RRM1: variants seen among roughly 807,000 people sequenced by gnomAD.
The protein encoded by RRM1 is ribonucleoside-diphosphate reductase large subunit.
A neutral mutation model predicts 101.5 loss-of-function variants in RRM1; 19 were observed. That is an observed-to-expected ratio of 0.19 (90% CI 0.13 to 0.27). The LOEUF (loss-of-function observed/expected upper bound fraction) is 0.27. RRM1 is among the 10% of genes least tolerant of loss of function. The probability of loss-of-function intolerance (pLI) is 1.00; values close to 1 mark genes in which losing one functional copy is unlikely to be tolerated. For synonymous variants in RRM1, 298 were observed against 323.4 expected (o/e 0.92, Z 0.84); for missense variants, 500 against 962.9 (o/e 0.52, Z 6.36).
intron 8 of RRM1, 64 bp from the exon 9 acceptor site, chr11:4,119,781 G>A (rs2133306404): frequency 1.1e-6 from 1 of 929,160 alleles, no homozygotes; most frequent in East Asian, 2.4e-5. Flanking sequence ...TAAAAGAATG[G>A]GGCCATTTTT....
At chr11:4,137,249 A>G (rs995435307) in intron 18 of RRM1, 82 of 254,298 alleles carry the variant, frequency 3.2e-4, no homozygotes, top group African/African-American at 1.8e-3. Flanking sequence ...CAAAGCCGCC[A>G]TTGTCATCTT....
chr11:4,128,749 G>C (rs1013478501), intron 14 of RRM1, among the ~76,000 whole-genome samples: 2 of 152,142 alleles, frequency 1.3e-5, no homozygotes, highest in Non-Finnish European at 2.9e-5. Context: ...CAGATCAAGG[G>C]ACAGATGAAG....
At chr11:4,114,023 G>A (rs1365880756) in intron 7 of RRM1, among the ~76,000 whole-genome samples, 1 of 151,958 alleles carries the variant, frequency 6.6e-6, no homozygotes, top group Non-Finnish European at 1.5e-5. Context: ...TAGTCCCAGC[G>A]ACTCAGGAGG....
chr11:4,131,254 C>T (rs1378122912), intron 15 of RRM1, among the ~76,000 whole-genome samples: 1 of 152,212 alleles, frequency 6.6e-6, no homozygotes, highest in Non-Finnish European at 1.5e-5. Context: ...CTCACTATCT[C>T]ATGAGAACAG....
At chr11:4,104,594 T>C (rs1387166077) in intron 2 of RRM1, among the ~76,000 whole-genome samples, 1 of 152,132 alleles carries the variant, frequency 6.6e-6, no homozygotes, top group East Asian at 1.9e-4. Context: ...AAGACTTGTA[T>C]AATAATATAA....
At chr11:4,095,725 T>C (rs1392906829) in intron 1 of RRM1, among the ~76,000 whole-genome samples, 1 of 152,212 alleles carries the variant, frequency 6.6e-6, no homozygotes, top group Non-Finnish European at 1.5e-5. Context: ...GAACTCGTAT[T>C]CTTTCTCAAC....
At chr11:4,123,442 T>C (rs1268215868) in intron 12 of RRM1, 58 bp downstream of exon 12, 4 of 1,363,682 alleles carry the variant, frequency 2.9e-6, no homozygotes, top group African/African-American at 1.4e-5. Context: ...CAGTTATTAT[T>C]TGTGAATTCC....
chr11:4,103,469 G>C (rs1441415054), intron 2 of RRM1, among the ~76,000 whole-genome samples: 1 of 152,186 alleles, frequency 6.6e-6, no homozygotes, highest in African/African-American at 2.4e-5. Context: ...TAGGTCTCTT[G>C]ACTCCTACAT....
chr11:4,105,815 T>C (rs2094557577), intron 2 of RRM1: 10 of 483,930 alleles, frequency 2.1e-5, no homozygotes, highest in South Asian at 4.3e-5. Flanking sequence ...TTCTCCCACA[T>C]TGGCTTCCCA....
At chr11:4,101,354 C>T (rs949808569) in intron 1 of RRM1, among the ~76,000 whole-genome samples, 1 of 151,052 alleles carries the variant, frequency 6.6e-6, no homozygotes, top group Non-Finnish European at 1.5e-5. Flanking sequence ...TTCTTGTTGT[C>T]CAGGCTGGAA....
In RRM1 at chr11:4,138,417, T is replaced by C. The variant is rs769857642; in HGVS notation, c.*34T>C. The stretch of plus-strand genomic sequence containing the variant: ...TTGGAAGAGACCAGCATGTCTTCAG[T>C]AGCCAAACTACTTCTTGAGCATAGA... On this transcript the variant is annotated 3_prime_UTR_variant, in exon 19 of 19. Coordinates refer to ENST00000300738, the MANE Select transcript of RRM1 (RefSeq NM_001033.5). 2.0e-6 allele frequency: 3 copies of C among 1,528,396 alleles called. No homozygotes were observed. In the African/African-American group the frequency reaches 4.1e-5, roughly 21 times the overall value. 94.7% of individuals were successfully genotyped at this position (1,528,396 alleles called of 1,614,324 possible).
rs1220218585 is a variant in RRM1 at position 4,094,993 on chromosome 11, A to C, written c.-20A>C. ...CGCAGTCCAGTCTTGGATCCTTCAGAGCCTCAGCCACTAGCTGCGATGCAT... is the reference window on the plus strand; with the variant it reads ...CGCAGTCCAGTCTTGGATCCTTCAGCGCCTCAGCCACTAGCTGCGATGCAT... On this transcript the variant is annotated 5_prime_UTR_variant, in exon 1 of 19. Coordinates refer to ENST00000300738, the MANE Select transcript of RRM1 (RefSeq NM_001033.5). The C allele has an allele frequency of 6.4e-7, 1 of 1,560,778 alleles. No individual in the cohort carries two copies. The highest frequency in any genetic ancestry group is 8.7e-7 in the Non-Finnish European group (1 of 1,152,404).
In RRM1 at chr11:4,132,559, ATAT is replaced by A. The variant is rs1461469996; in HGVS notation, c.1905+146_1905+148del. On this transcript the variant is annotated intron_variant, in intron 16 of 18. Coordinates refer to ENST00000300738, the MANE Select transcript of RRM1 (RefSeq NM_001033.5). The surrounding 1 kb of genome is among the most constrained non-coding windows in gnomAD (Gnocchi z 4.1). ...ATAAAGACAGTCATCTTCATCTCTA[ATAT>A]TATTATTTGTTATTAATATTTCAGC... The A allele has an allele frequency of 6.7e-6, 5 of 747,262 alleles. No individual in the cohort carries two copies. Among genetic ancestry groups the A allele is most frequent in the African/African-American group, 3.5e-5 (2 of 56,340 alleles). 46.3% of individuals were successfully genotyped at this position (747,262 alleles called of 1,614,324 possible).
Position 4,118,218 on chromosome 11 carries a change from CTCTT to C in RRM1, c.651-100_651-97del, listed in dbSNP as rs200299029. The C allele has an allele frequency of 2.0e-3, 2,233 of 1,098,342 alleles. 30 individuals are homozygous for C. The Admixed American group carries it at 0.048, about 24-fold the overall frequency. 68.0% of individuals were successfully genotyped at this position (1,098,342 alleles called of 1,614,324 possible). A position where few individuals can be genotyped will look rare whatever the true frequency, so the allele number is the denominator to read the frequency against. On this transcript the variant is annotated intron_variant, in intron 7 of 18. Transcript: ENST00000300738. ...CATTTAGGAACTTTCTAAACTTCAA[CTCTT>C]TTTTTTTTTTTTGCCTTAGTGTCTT...
intron 15 of RRM1, among the ~76,000 whole-genome samples, chr11:4,130,708 G>A (rs1032071454): frequency 6.6e-6 from 1 of 152,046 alleles, no homozygotes; most frequent in Non-Finnish European, 1.5e-5. Flanking sequence ...AAGACTTGAT[G>A]TATTCTGAGA....
intron 14 of RRM1, among the ~76,000 whole-genome samples, chr11:4,128,832 A>C (rs749730904): frequency 1.6e-4 from 24 of 152,086 alleles, no homozygotes; most frequent in Non-Finnish European, 3.5e-4. Context: ...TGAATGTTAG[A>C]GTTTTCTGGT....
At chr11:4,122,921 T>G (rs1367068245) in intron 11 of RRM1, among the ~76,000 whole-genome samples, 1 of 151,972 alleles carries the variant, frequency 6.6e-6, no homozygotes, top group Non-Finnish European at 1.5e-5. Flanking sequence ...GAGATTTGGC[T>G]TCCTTAGTTT....
At chr11:4,106,646 G>A (rs931562890) in intron 3 of RRM1, among the ~76,000 whole-genome samples, 1 of 152,102 alleles carries the variant, frequency 6.6e-6, no homozygotes, top group Non-Finnish European at 1.5e-5. Context: ...TACTGGGGAG[G>A]CTGAGGCAGG....
chr11:4,133,595 C>A lies in RRM1; in HGVS notation c.1938C>A (p.Thr646=). 6.2e-7 allele frequency: 1 copy of A among 1,610,956 alleles called. No homozygotes were observed. Residue 646 remains threonine (T), a synonymous_variant, in exon 17 of 19, where the codon ACC becomes ACA. Transcript: ENST00000300738. ...IVNPHLLKDL[T]ERGLWHEEMK... ...ATCCTCACTTATTGAAAGATCTTAC[C>A]GAGCGGGGCCTATGGCATGAAGAGA...
Sources: gnomAD v4.1 joint callset for allele counts (sites outside exome capture counted in the v4.1 genomes callset) on GRCh38, gnomAD v4.1.1 for gene constraint, Gnocchi (gnomAD v3.1) non-coding constraint, MANE v1.5 for transcripts, NCBI Gene and HGNC (gene_info 2026-07-23, HGNC 2026-07-21) for gene names.